Variants in RIPK4 observed in about 807,000 individuals in gnomAD.
The protein encoded by RIPK4 is receptor-interacting serine/threonine-protein kinase 4.
A neutral mutation model predicts 42.9 loss-of-function variants in RIPK4; 17 were observed. That is an observed-to-expected ratio of 0.40 (90% CI 0.27 to 0.59). The LOEUF (loss-of-function observed/expected upper bound fraction) is 0.59. Among genes scored for constraint, RIPK4 ranks in the 20% least tolerant of loss-of-function variants. RIPK4 has a pLI of 0.47. For synonymous variants in RIPK4, 498 were observed against 499.1 expected (o/e 1.00, Z 0.03); for missense variants, 897 against 1,104.4 (o/e 0.81, Z 2.66).
At chr21:41,754,748 C>T (rs1483809908) in intron 2 of RIPK4, among the ~76,000 whole-genome samples, 3 of 152,140 alleles carry the variant, frequency 2.0e-5, no homozygotes, top group Admixed American at 6.5e-5. Flanking sequence ...CCCACAGGGC[C>T]GCCTCTAGGC....
intron 5 of RIPK4, 175 bp from the exon 6 acceptor site, chr21:41,746,037 GC>G (rs745382514): frequency 8.0e-5 from 58 of 725,986 alleles, no homozygotes; most frequent in African/African-American, 5.9e-4. Flanking sequence ...CCAAACCCAG[GC>G]CCCCCCATCG....
chr21:41,745,622 T>A, intron 6 of RIPK4, 137 bp downstream of exon 6: 1 of 652,412 alleles, frequency 1.5e-6, no homozygotes. Flanking sequence ...ACACTTCTAA[T>A]GGAGTTGGGT....
rs182698444 is a variant in RIPK4 at position 41,740,015 on chromosome 21, T to C, written c.*823A>G. ...AGCGACCTGAGGGGGCTCGCCTCAG[T>C]CCCCAGCACTGAGGTTACAAAGGGA... On this transcript the variant is annotated 3_prime_UTR_variant, in exon 8 of 8. Transcript: ENST00000332512. 6 of 151,630 alleles carry C rather than the reference T, an allele frequency of 4.0e-5. No individual in the cohort carries two copies. The highest frequency in any genetic ancestry group is 9.7e-5 in the African/African-American group (4 of 41,384). 9.4% of individuals were successfully genotyped at this position (151,630 alleles called of 1,614,324 possible). A position where few individuals can be genotyped will look rare whatever the true frequency, so the allele number is the denominator to read the frequency against.
At chr21:41,746,036 G>A (rs1367698501) in intron 5 of RIPK4, 174 bp from the exon 6 acceptor site, 1 of 727,928 alleles carries the variant, frequency 1.4e-6, no homozygotes, top group Non-Finnish European at 2.5e-6. Flanking sequence ...GCCAAACCCA[G>A]GCCCCCCCAT....
At chr21:41,746,910 C>T (rs1364794771) in intron 4 of RIPK4, 139 bp from the exon 5 acceptor site, 9 of 931,896 alleles carry the variant, frequency 9.7e-6, no homozygotes, top group East Asian at 5.3e-5. Flanking sequence ...TCCCCCACTC[C>T]GTTTCAAAGG....
chr21:41,753,592 C>T (rs1280849209), intron 2 of RIPK4, among the ~76,000 whole-genome samples: 1 of 152,208 alleles, frequency 6.6e-6, no homozygotes, highest in African/African-American at 2.4e-5. Flanking sequence ...GTGTCCTCAA[C>T]AGCGAGCTAC....
rs541616163 is a variant in RIPK4, at chr21:41,762,949, G to A, written c.182+3911C>T. Among the ~76,000 whole-genome samples, 11 of 143,548 alleles carry A rather than the reference G, an allele frequency of 7.7e-5. No individual in the cohort carries two copies. In the South Asian group the frequency reaches 2.2e-3, roughly 29 times the overall value. The allele number at this position is 143,548 out of a possible 152,430, so 94.2% of individuals were successfully genotyped here. The stretch of plus-strand genomic sequence containing the variant: ...TCTGGGTTGACCAGAAGCCCCTCTC[G>A]TCGGTGTTAATTAAAACACAACCTA... On this transcript the variant is annotated intron_variant, in intron 1 of 7. Transcript: ENST00000332512.
At chr21:41,748,810 C>T (rs1318721421) in intron 4 of RIPK4, among the ~76,000 whole-genome samples, 1 of 152,184 alleles carries the variant, frequency 6.6e-6, no homozygotes, top group East Asian at 1.9e-4. Context: ...GCTTTGCCTT[C>T]TAGCATGATG....
chr21:41,751,488 T>A lies in RIPK4; in HGVS notation c.475-243A>T, dbSNP rs2061188305. ...ATTTGACGGGCAGGTGAAAGAATCG[T>A]ACTGTAAGGAAGGAGTTATCCGGGA... On this transcript the variant is annotated intron_variant, in intron 2 of 7. Transcript: ENST00000332512. The surrounding 1 kb of genome is among the most constrained non-coding windows in gnomAD (Gnocchi z 4.5). Among the ~76,000 whole-genome samples, 1 of 152,164 alleles carries A rather than the reference T, an allele frequency of 6.6e-6. No homozygotes were observed. The highest frequency in any genetic ancestry group is 2.4e-5 in the African/African-American group (1 of 41,450).
intron 1 of RIPK4, among the ~76,000 whole-genome samples, chr21:41,757,346 C>T (rs567119598): frequency 6.6e-6 from 1 of 151,726 alleles, no homozygotes; most frequent in Non-Finnish European, 1.5e-5. Flanking sequence ...CATAGTGGAA[C>T]CCCCGTCTCT....
At chr21:41,754,560 G>A (rs547453498) in intron 2 of RIPK4, among the ~76,000 whole-genome samples, 1 of 152,276 alleles carries the variant, frequency 6.6e-6, no homozygotes, top group African/African-American at 2.4e-5. Flanking sequence ...CCCTGCAGCT[G>A]TCCTGAAAGA....
chr21:41,744,620 AGGCGGTGT>A (rs1356196676), intron 6 of RIPK4, among the ~76,000 whole-genome samples: 5 of 152,248 alleles, frequency 3.3e-5, no homozygotes, highest in Non-Finnish European at 7.3e-5. Flanking sequence ...GACAAAAGGC[AGGCGGTGT>A]CAAGCTGCAG....
At chr21:41,752,513 G>A (rs1402051984) in intron 2 of RIPK4, among the ~76,000 whole-genome samples, 5 of 152,144 alleles carry the variant, frequency 3.3e-5, no homozygotes, top group Non-Finnish European at 7.3e-5. Context: ...CGACTCCAGC[G>A]GCTCTCATGT....
chr21:41,743,665 T>G (rs1465044626), intron 7 of RIPK4, among the ~76,000 whole-genome samples: 1 of 152,246 alleles, frequency 6.6e-6, no homozygotes, highest in Admixed American at 6.5e-5. Context: ...CTGCACAGAC[T>G]GGTGATGTGG....
Position 41,751,164 on chromosome 21 carries a change from C to T in RIPK4, c.556G>A (p.Ala186Thr), listed in dbSNP as rs1171215367. Residue 186 changes from alanine to threonine, a missense_variant, in exon 3 of 8, where the codon GCC (alanine) becomes ACC (threonine). Coordinates refer to ENST00000332512, the MANE Select transcript of RIPK4 (RefSeq NM_020639.3). The surrounding 1 kb of genome is among the most constrained non-coding windows in gnomAD (Gnocchi z 4.5). Reference sequence around the variant, plus strand: ...CTGATGCGCTCTGGAGGGAGGTAGGCGATTGTGCCAAACAGGCCATCCATG... The same window carrying T: ...CTGATGCGCTCTGGAGGGAGGTAGGTGATTGTGCCAAACAGGCCATCCATG... ...LSMDGLFGTI[A>T]YLPPERIREK... 2.5e-6 allele frequency: 4 copies of T among 1,614,106 alleles called. No individual in the cohort carries two copies. Among genetic ancestry groups the T allele is most frequent in the Non-Finnish European group, 3.4e-6 (4 of 1,180,048 alleles).
intron 2 of RIPK4, among the ~76,000 whole-genome samples, chr21:41,753,155 C>T (rs1010491787): frequency 6.6e-5 from 10 of 152,090 alleles, no homozygotes; most frequent in East Asian, 1.9e-4. Context: ...TTAGTAGCTC[C>T]GTGGCCCTGG....
At chr21:41,754,878 T>A (rs1307010205) in intron 2 of RIPK4, among the ~76,000 whole-genome samples, 1 of 152,220 alleles carries the variant, frequency 6.6e-6, no homozygotes, top group East Asian at 1.9e-4. Flanking sequence ...GCTCCGTGAC[T>A]TACAGCTGGA....
chr21:41,751,282 G>C lies in RIPK4; in HGVS notation c.475-37C>G, dbSNP rs1040149915. On this transcript the variant is annotated intron_variant, in intron 2 of 7. Coordinates refer to ENST00000332512, the MANE Select transcript of RIPK4 (RefSeq NM_020639.3). This position sits in a 1 kb window ranked among gnomAD's most constrained non-coding sequence, Gnocchi z 4.5. Reference sequence around the variant, plus strand: ...CCATCAGAGCGGGGCTCATTAGCCTGCAACAGTGATATTTTATGATGCTTT... The same window carrying C: ...CCATCAGAGCGGGGCTCATTAGCCTCCAACAGTGATATTTTATGATGCTTT... 2 of 1,608,110 alleles carry C rather than the reference G, an allele frequency of 1.2e-6. No individual in the cohort carries two copies. The highest frequency in any genetic ancestry group is 1.7e-6 in the Non-Finnish European group (2 of 1,176,334).
rs748213607 is a variant in RIPK4, at chr21:41,741,727, A to G, written c.1466T>C (p.Leu489Pro). ...GACACTGATCTTCCGCGCCAGCAGG[A>G]GCTCCACGACACCCCGCACCCTCCT... ...VERRVRGVVE[L>P]LLARKISVNA... The change falls in exon 8 of 8, where the codon CTC (leucine) becomes CCC (proline). Residue 489 changes from leucine to proline, a missense_variant. Physicochemically the swap from Leu to Pro is moderately conservative, Grantham distance 98 (BLOSUM62 -3). Transcript: ENST00000332512. 3 of 1,613,018 alleles carry G rather than the reference A, an allele frequency of 1.9e-6. No homozygotes were observed. Among genetic ancestry groups the G allele is most frequent in the Non-Finnish European group, 2.5e-6 (3 of 1,180,018 alleles).
Sources: gnomAD v4.1 joint callset for allele counts (sites outside exome capture counted in the v4.1 genomes callset) on GRCh38, gnomAD v4.1.1 for gene constraint, Gnocchi (gnomAD v3.1) non-coding constraint, MANE v1.5 for transcripts, NCBI Gene and HGNC (gene_info 2026-07-23, HGNC 2026-07-21) for gene names.